The following SVEP1 variants were observed in gnomAD, a reference collection of about 807,000 sequenced individuals.
SVEP1 encodes sushi, von Willebrand factor type A, EGF and pentraxin domain-containing protein 1.
A neutral mutation model predicts 367.3 loss-of-function variants in SVEP1; 164 were observed. That is an observed-to-expected ratio of 0.45 (90% CI 0.39 to 0.51). The LOEUF is 0.51. Ranked by LOEUF, SVEP1 falls within the 20% of genes least tolerant of loss-of-function variation. The pLI, the probability that SVEP1 is intolerant of heterozygous loss-of-function variation, is 0.00. For synonymous variants in SVEP1, 1,666 were observed against 1,611.6 expected (o/e 1.03, Z -0.81); for missense variants, 4,117 against 4,425.3 (o/e 0.93, Z 1.98).
Position 110,404,541 on chromosome 9 carries a change from C to T in SVEP1, c.9452G>A (p.Gly3151Asp), listed in dbSNP as rs777416437. The stretch of plus-strand genomic sequence containing the variant: ...ATCTGTATCTGTATCCATCGTATAA[C>T]CTTCCAGACATCTGCAATGGAAATG... ...ESEVKLRCLE[G>D]YTMDTDTDTF... The change falls in exon 39 of 48, where the codon GGT becomes GAT. Residue 3151 changes from glycine to aspartate, a missense_variant. Around this residue, in one of 4 missense-constraint regions of SVEP1, gnomAD observed 1,765 missense variants for 1,781.1 expected, o/e 0.99. Transcript: ENST00000374469. 4 of 1,613,822 alleles carry T rather than the reference C, an allele frequency of 2.5e-6. No homozygotes were observed. The highest frequency in any genetic ancestry group is 1.6e-4 in the Middle Eastern group (1 of 6,084).
At position 110,430,269 on chromosome 9, in the gene SVEP1, C is replaced by A; in HGVS notation, c.5530+5G>T. The stretch of plus-strand genomic sequence containing the variant: ...TAAGAAACGTGGTAAATTTACTAAA[C>A]ATACCTTTACAATATGGTATTAGAT... On this transcript the variant is annotated splice_donor_5th_base_variant and intron_variant, in intron 33 of 47. Transcript: ENST00000374469. 1 of 1,608,980 alleles carries A rather than the reference C, an allele frequency of 6.2e-7. No individual in the cohort carries two copies. Among genetic ancestry groups the A allele is most frequent in the Non-Finnish European group, 8.5e-7 (1 of 1,177,442 alleles).
intron 17 of SVEP1, 60 bp downstream of exon 17, chr9:110,468,880 C>T (rs1828976594): frequency 6.8e-7 from 1 of 1,462,658 alleles, no homozygotes; most frequent in Admixed American, 2.3e-5. Context: ...ATCTTTCTTT[C>T]CCCCAAAAGG....
chr9:110,574,992 G>A (rs978022083), intron 1 of SVEP1, among the ~76,000 whole-genome samples: 4 of 151,996 alleles, frequency 2.6e-5, no homozygotes, highest in African/African-American at 7.3e-5. Flanking sequence ...TGATCCACCC[G>A]CCTTGGCCTC....
rs1827398325 is a variant in SVEP1 at position 110,379,291 on chromosome 9, C to G, written c.10408+56G>C. The stretch of plus-strand genomic sequence containing the variant: ...ATTAATTGCTGGACAAATCAGATTT[C>G]TATACACATTTCCCTGCAGTTTCAC... On this transcript the variant is annotated intron_variant, in intron 44 of 47. Transcript: ENST00000374469. 8.2e-6 allele frequency: 13 copies of G among 1,576,520 alleles called. No individual in the cohort carries two copies. The South Asian group carries it at 1.3e-4, about 15-fold the overall frequency.
chr9:110,432,115 T>C, intron 31 of SVEP1, 81 bp from the exon 32 acceptor site: 3 of 1,446,786 alleles, frequency 2.1e-6, no homozygotes, highest in Admixed American at 2.4e-5. Context: ...TTTTAAATCA[T>C]TACATATCAC....
chr9:110,541,819 ATC>A (rs1830150872), intron 3 of SVEP1, among the ~76,000 whole-genome samples: 5 of 141,960 alleles, frequency 3.5e-5, no homozygotes, highest in South Asian at 2.2e-4. Context: ...ATACATAGAT[ATC>A]TATATATATC....
intron 36 of SVEP1, among the ~76,000 whole-genome samples, chr9:110,417,549 G>A (rs1678126157): frequency 8.1e-4 from 2 of 2,474 alleles, no homozygotes; most frequent in South Asian, 5.4e-3. Flanking sequence ...AGGGGCGCCC[G>A]CCATTGCCCA....
chr9:110,411,109 G>A lies in SVEP1; in HGVS notation c.6602C>T (p.Pro2201Leu), dbSNP rs769404169. Residue 2201 changes from proline (P) to leucine (L), a missense_variant, in exon 37 of 48, where the codon CCG (proline) becomes CTG (leucine). Around this residue, in one of 4 missense-constraint regions of SVEP1, gnomAD observed 1,765 missense variants for 1,781.1 expected, o/e 0.99. Coordinates refer to ENST00000374469, the MANE Select transcript of SVEP1 (RefSeq NM_153366.4). ...QWSSPIPTCH[P>L]VSCGEPPKVE... ...CTTAGGTGGTTCACCACAAGATACC[G>A]GGTGGCACGTCGGTATAGGACTACT... The A allele has an allele frequency of 4.7e-5, 75 of 1,609,298 alleles. No homozygotes were observed. The highest frequency in any genetic ancestry group is 5.9e-5 in the Non-Finnish European group (70 of 1,177,314).
intron 43 of SVEP1, among the ~76,000 whole-genome samples, chr9:110,379,728 T>A (rs564355668): frequency 2.0e-5 from 3 of 152,228 alleles, no homozygotes; most frequent in Admixed American, 2.0e-4. Flanking sequence ...TGTCTTCTGA[T>A]TCAAATGTTG....
intron 42 of SVEP1, among the ~76,000 whole-genome samples, chr9:110,386,748 A>T (rs1029694181): frequency 6.6e-6 from 1 of 152,278 alleles, no homozygotes; most frequent in Non-Finnish European, 1.5e-5. Context: ...TTAAATGGGC[A>T]TAAAAGTATT....
intron 5 of SVEP1, among the ~76,000 whole-genome samples, chr9:110,504,212 G>A (rs1301617835): frequency 7.9e-6 from 1 of 127,088 alleles, no homozygotes; most frequent in Non-Finnish European, 1.7e-5. Flanking sequence ...CCTCTACCAC[G>A]CCCGGCTATT....
At chr9:110,564,633 AACG>A (rs1468113468) in intron 1 of SVEP1, among the ~76,000 whole-genome samples, 1 of 152,146 alleles carries the variant, frequency 6.6e-6, no homozygotes, top group Non-Finnish European at 1.5e-5. Flanking sequence ...ATTCCAAATA[AACG>A]ACATTTGGAA....
chr9:110,556,554 G>T (rs569671200), intron 1 of SVEP1, among the ~76,000 whole-genome samples: 1 of 152,258 alleles, frequency 6.6e-6, no homozygotes, highest in Admixed American at 6.5e-5. Flanking sequence ...GAGTGCAGTG[G>T]TGTGATCTTG....
chr9:110,566,194 C>T (rs1334292608), intron 1 of SVEP1, among the ~76,000 whole-genome samples: 1 of 151,674 alleles, frequency 6.6e-6, no homozygotes, highest in Admixed American at 6.6e-5. Flanking sequence ...TGGTGGCTCA[C>T]ACCTGTATTC....
At chr9:110,493,196 G>A (rs546605909) in intron 8 of SVEP1, among the ~76,000 whole-genome samples, 80 of 152,166 alleles carry the variant, frequency 5.3e-4, no homozygotes, top group African/African-American at 1.8e-3. Context: ...TTCATGGCAG[G>A]GAACTGTAAG....
chr9:110,403,299 T>TTTTTTTTTTG (rs1827894718), intron 39 of SVEP1, among the ~76,000 whole-genome samples: 1 of 120,768 alleles, frequency 8.3e-6, no homozygotes, highest in African/African-American at 3.5e-5. Flanking sequence ...CACCGCCGTT[T>TTTTTTTTTTG]TTTTTTTTTT....
At chr9:110,503,359 T>G in intron 5 of SVEP1, 142 bp from the exon 6 acceptor site, 1 of 772,558 alleles carries the variant, frequency 1.3e-6, no homozygotes. Context: ...ACACCACCAT[T>G]TTTTGAGTTC....
At chr9:110,387,525 A>T in intron 41 of SVEP1, 67 bp from the exon 42 acceptor site, 2 of 1,424,362 alleles carry the variant, frequency 1.4e-6, no homozygotes, top group Non-Finnish European at 1.9e-6. Flanking sequence ...TTTTCCTATG[A>T]TTGCCAAAGA....
intron 16 of SVEP1, among the ~76,000 whole-genome samples, chr9:110,470,038 T>C (rs1328936173): frequency 6.6e-6 from 1 of 152,176 alleles, no homozygotes; most frequent in Non-Finnish European, 1.5e-5. Context: ...TATGGAGAGA[T>C]GAACGTAAGA....
Sources: gnomAD v4.1 joint callset for allele counts (sites outside exome capture counted in the v4.1 genomes callset) on GRCh38, gnomAD v4.1.1 for gene constraint, gnomAD v4.1.1 regional missense constraint, MANE v1.5 for transcripts, NCBI Gene and HGNC (gene_info 2026-07-23, HGNC 2026-07-21) for gene names.